Variants in DRC1 observed in about 807,000 individuals in gnomAD.
DRC1 encodes the protein dynein regulatory complex subunit 1.
DRC1 carries 74 observed loss-of-function variants against 98.7 expected under a neutral mutation model. The observed-to-expected ratio is 0.75, with a 90% CI of 0.62 to 0.91. The LOEUF is 0.91. Among genes scored for constraint, DRC1 ranks in the 40% least tolerant of loss-of-function variants. The pLI is 0.00. For missense variants in DRC1, 875 were observed against 886.0 expected (o/e 0.99, Z 0.16); for synonymous variants, 336 against 334.1 (o/e 1.01, Z -0.06).
At chr2:26,435,687 T>C (rs967759535) in intron 7 of DRC1, among the ~76,000 whole-genome samples, 2 of 152,196 alleles carry the variant, frequency 1.3e-5, no homozygotes, top group African/African-American at 2.4e-5. Context: ...TGTTCCTATG[T>C]TAGTTTGCTT....
At chr2:26,422,788 G>A (rs577356004) in intron 3 of DRC1, among the ~76,000 whole-genome samples, 8 of 151,914 alleles carry the variant, frequency 5.3e-5, no homozygotes, top group Non-Finnish European at 1.0e-4. Context: ...GTGGTGGCGC[G>A]TGCACACCTG....
At position 26,407,661 on chromosome 2, in the gene DRC1, C is replaced by T. The variant is rs1329054671; in HGVS notation, c.155+5517C>T. On this transcript the variant is annotated intron_variant, in intron 1 of 16. Coordinates refer to ENST00000288710, the MANE Select transcript of DRC1 (RefSeq NM_145038.5). ...TTACTTCGTCCGACCACCCGGCACCCTCCTCCTCATGTTTATGGTTCCAAC... is the reference window on the plus strand; with the variant it reads ...TTACTTCGTCCGACCACCCGGCACCTTCCTCCTCATGTTTATGGTTCCAAC... 2.0e-5 allele frequency among the ~76,000 whole-genome samples: 3 copies of T among 152,218 alleles called. No homozygotes were observed. In the East Asian group the frequency reaches 5.8e-4, roughly 29 times the overall value.
At chr2:26,421,928 A>G (rs979049127) in intron 3 of DRC1, among the ~76,000 whole-genome samples, 2 of 152,154 alleles carry the variant, frequency 1.3e-5, no homozygotes, top group Non-Finnish European at 2.9e-5. Context: ...CTGTGTGTAT[A>G]CAAAAGGAGT....
At chr2:26,431,221 T>C (rs570367373) in intron 6 of DRC1, among the ~76,000 whole-genome samples, 1 of 152,362 alleles carries the variant, frequency 6.6e-6, no homozygotes, top group South Asian at 2.1e-4. Context: ...TCCAAAGTGC[T>C]GGGATTACAG....
In DRC1 at chr2:26,414,115, CATT is replaced by C. The variant is rs3067393; in HGVS notation, c.156-201_156-199del. Among the ~76,000 whole-genome samples the C allele has an allele frequency of 0.083, 12,058 of 144,440 alleles. 975 individuals are homozygous for C. Among genetic ancestry groups the C allele is most frequent in the African/African-American group, 0.21 (8,513 of 39,678 alleles). The allele number at this position is 144,440 out of a possible 152,430, so 94.8% of individuals were successfully genotyped here. ...ATTTATATATGAAGTACAATGGAAC[CATT>C]ATTATTATTATTATTATTATTATTA... is the stretch of plus-strand genomic sequence containing the variant. On this transcript the variant is annotated intron_variant, in intron 1 of 16. Coordinates refer to ENST00000288710, the MANE Select transcript of DRC1 (RefSeq NM_145038.5).
At chr2:26,412,524 C>T (rs566451721) in intron 1 of DRC1, among the ~76,000 whole-genome samples, 1 of 152,084 alleles carries the variant, frequency 6.6e-6, no homozygotes, top group Non-Finnish European at 1.5e-5. Context: ...TTGGTGAGGT[C>T]ACTCCCCCAT....
chr2:26,433,409 G>A (rs1003233065), intron 7 of DRC1, among the ~76,000 whole-genome samples: 1 of 152,134 alleles, frequency 6.6e-6, no homozygotes, highest in African/African-American at 2.4e-5. Flanking sequence ...TACCAGTCTT[G>A]AGAATTTTCC....
At chr2:26,432,435 G>A (rs946965896) in intron 7 of DRC1, among the ~76,000 whole-genome samples, 15 of 151,998 alleles carry the variant, frequency 9.9e-5, no homozygotes, top group African/African-American at 3.4e-4. Context: ...GGAGTTTAAG[G>A]CTATAGTGAG....
chr2:26,430,688 G>T, intron 5 of DRC1, 98 bp from the exon 6 acceptor site: 2 of 1,222,900 alleles, frequency 1.6e-6, no homozygotes, highest in Non-Finnish European at 2.4e-6. Context: ...CTATGTGGTT[G>T]GTGATATGGC....
At chr2:26,453,928 A>C (rs780565332) in intron 14 of DRC1, among the ~76,000 whole-genome samples, 1 of 152,206 alleles carries the variant, frequency 6.6e-6, no homozygotes, top group African/African-American at 2.4e-5. Context: ...AGGAAATGGC[A>C]CTGGAACTAG....
At position 26,454,028 on chromosome 2, in the gene DRC1, G is replaced by A. The variant is rs563238905; in HGVS notation, c.1919+479G>A. The stretch of plus-strand genomic sequence containing the variant: ...GGTCTGTTCAAGAATCATCACAGGA[G>A]GTCTGGCTGGAGTGTCAAGGGCCTG... On this transcript the variant is annotated intron_variant, in intron 14 of 16. Transcript: ENST00000288710. The surrounding 1 kb of genome is among the most constrained non-coding windows in gnomAD (Gnocchi z 5.2). 6.6e-6 allele frequency among the ~76,000 whole-genome samples: 1 copy of A among 152,312 alleles called. No homozygotes were observed. Among genetic ancestry groups the A allele is most frequent in the African/African-American group, 2.4e-5 (1 of 41,566 alleles).
At chr2:26,425,120 A>G (rs1278599585) in intron 4 of DRC1, among the ~76,000 whole-genome samples, 1 of 151,982 alleles carries the variant, frequency 6.6e-6, no homozygotes, top group Non-Finnish European at 1.5e-5. Flanking sequence ...TCACCTTTCT[A>G]CTTTCTGTTT....
rs765980379 is a variant in DRC1, at chr2:26,444,870, C to T, written c.1318C>T (p.Leu440=). The change falls in exon 10 of 17, where the codon CTG becomes TTG. Residue 440 remains leucine (L), a synonymous_variant. Transcript: ENST00000288710. The part of the protein sequence containing the change: ...LPWAAPDFWF[L]NNVGPISQQP... ...CTGGGCAGCACCTGATTTCTGGTTC[C>T]TGAACAATGTTGGGCCTATTTCTCA... The T allele has an allele frequency of 6.2e-7, 1 of 1,614,184 alleles. No homozygotes were observed. The highest frequency in any genetic ancestry group is 1.1e-5 in the South Asian group (1 of 91,082).
At chr2:26,419,847 G>A (rs545368882) in intron 2 of DRC1, among the ~76,000 whole-genome samples, 2 of 152,308 alleles carry the variant, frequency 1.3e-5, no homozygotes, top group South Asian at 4.1e-4. Context: ...TGGAATTTAC[G>A]AAGAGGGATT....
At chr2:26,438,507 C>G (rs888657297) in intron 7 of DRC1, among the ~76,000 whole-genome samples, 1 of 152,164 alleles carries the variant, frequency 6.6e-6, no homozygotes, top group African/African-American at 2.4e-5. Flanking sequence ...CATTTACCAT[C>G]TGTTAAAAGA....
At chr2:26,444,145 C>T in intron 8 of DRC1, 77 bp from the exon 9 acceptor site, 1 of 1,594,444 alleles carries the variant, frequency 6.3e-7, no homozygotes, top group South Asian at 1.1e-5. Flanking sequence ...TGTGGTAGAG[C>T]TGAATCAGGT....
Position 26,444,886 on chromosome 2 carries a change from C to A in DRC1, c.1334C>A (p.Pro445His). 1 of 1,614,174 alleles carries A rather than the reference C, an allele frequency of 6.2e-7. No homozygotes were observed. Among genetic ancestry groups the A allele is most frequent in the Non-Finnish European group, 8.5e-7 (1 of 1,180,034 alleles). The change falls in exon 10 of 17, where the codon CCT becomes CAT. Residue 445 changes from proline to histidine, a missense_variant. Pro to His is a moderately conservative substitution (Grantham distance 77). Coordinates refer to ENST00000288710, the MANE Select transcript of DRC1 (RefSeq NM_145038.5). ...PDFWFLNNVGPISQQPQKSAT... is the reference protein window; with the variant it reads ...PDFWFLNNVGHISQQPQKSAT... The stretch of plus-strand genomic sequence containing the variant: ...TTCTGGTTCCTGAACAATGTTGGGC[C>A]TATTTCTCAGCAGCCCCAGAAGTCC...
At chr2:26,445,851 G>C (rs556267519) in intron 10 of DRC1, among the ~76,000 whole-genome samples, 1 of 152,032 alleles carries the variant, frequency 6.6e-6, no homozygotes, top group South Asian at 2.1e-4. Flanking sequence ...GTAGAGACAG[G>C]GTTTCACCAT....
At chr2:26,423,252 A>G (rs1453757230) in intron 3 of DRC1, among the ~76,000 whole-genome samples, 1 of 151,500 alleles carries the variant, frequency 6.6e-6, no homozygotes, top group East Asian at 1.9e-4. Flanking sequence ...TGCTGCGGAA[A>G]GATGACCTGA....
Sources: gnomAD v4.1 joint callset for allele counts (sites outside exome capture counted in the v4.1 genomes callset) on GRCh38, gnomAD v4.1.1 for gene constraint, Gnocchi (gnomAD v3.1) non-coding constraint, MANE v1.5 for transcripts, NCBI Gene and HGNC (gene_info 2026-07-23, HGNC 2026-07-21) for gene names.